Variants in ERICH1 observed in about 807,000 individuals in gnomAD.
ERICH1 encodes glutamate-rich protein 1.
In ERICH1, 56 loss-of-function variants were observed where a neutral mutation model predicts 39.6. The ratio of observed to expected loss-of-function variants is 1.41; its 90% CI spans 1.14 to 1.77. The LOEUF (loss-of-function observed/expected upper bound fraction) is 1.77, where lower values mean the gene tolerates loss of function less well. Ranked by LOEUF, ERICH1 falls within the 40% of genes most tolerant of loss-of-function variation. The probability of loss-of-function intolerance (pLI) is 0.00; values close to 1 mark genes in which losing one functional copy is unlikely to be tolerated. For synonymous variants in ERICH1, 313 were observed against 223.6 expected (o/e 1.40, Z -3.57); for missense variants, 826 against 575.4 (o/e 1.44, Z -4.45).
chr8:716,273 G>A (rs1333304862), intron 1 of ERICH1, among the ~76,000 whole-genome samples: 2 of 152,334 alleles, frequency 1.3e-5, no homozygotes, highest in East Asian at 3.9e-4. Flanking sequence ...CTGCATCCAG[G>A]AGGCTGTGCA....
chr8:722,740 A>G (rs1429424705), intron 1 of ERICH1, among the ~76,000 whole-genome samples: 4 of 152,222 alleles, frequency 2.6e-5, no homozygotes, highest in Non-Finnish European at 4.4e-5. Flanking sequence ...GTCTGTTGGA[A>G]AAGTGTGACT....
intron 3 of ERICH1, among the ~76,000 whole-genome samples, chr8:624,788 A>G (rs1393040937): frequency 6.6e-6 from 1 of 151,796 alleles, no homozygotes; most frequent in African/African-American, 2.4e-5. Flanking sequence ...CTGCAGTGGC[A>G]CGATCTCGGC....
chr8:662,814 G>A (rs946096018), downstream of ERICH1, among the ~76,000 whole-genome samples: 2 of 152,174 alleles, frequency 1.3e-5, no homozygotes, highest in Admixed American at 1.3e-4. Flanking sequence ...TGGGAAGAGC[G>A]GCTCCTGGCC....
intron 3 of ERICH1, among the ~76,000 whole-genome samples, chr8:635,928 G>C (rs59283892): frequency 6.6e-6 from 1 of 152,228 alleles, no homozygotes; most frequent in Admixed American, 6.5e-5. Flanking sequence ...TTACGCGGCA[G>C]GTGCGGTGAT....
intron 3 of ERICH1, among the ~76,000 whole-genome samples, chr8:691,786 T>C (rs1808964004): frequency 3.3e-5 from 5 of 152,220 alleles, no homozygotes; most frequent in Admixed American, 3.3e-4. Flanking sequence ...TTAATGTTTA[T>C]AATATAGAGT....
At chr8:702,403 C>T (rs1044704476) in intron 2 of ERICH1, among the ~76,000 whole-genome samples, 7 of 152,132 alleles carry the variant, frequency 4.6e-5, no homozygotes, top group East Asian at 3.9e-4. Context: ...TCTGTCCCTA[C>T]GTTGAAATGT....
At chr8:692,336 A>G in intron 3 of ERICH1, 142 bp downstream of exon 3, 4 of 1,201,274 alleles carry the variant, frequency 3.3e-6, no homozygotes, top group Non-Finnish European at 4.6e-6. Flanking sequence ...AAGGTACACC[A>G]TGTGGTTCAT....
intron 2 of ERICH1, among the ~76,000 whole-genome samples, chr8:707,317 A>T (rs7813999): frequency 6.6e-6 from 1 of 151,310 alleles, no homozygotes; most frequent in East Asian, 1.9e-4. Context: ...AAGCGACTCT[A>T]CTGCGTCAGC....
chr8:637,446 G>C (rs1798528408), intron 3 of ERICH1: 1 of 152,302 alleles, frequency 6.6e-6, no homozygotes, highest in African/African-American at 2.4e-5. Flanking sequence ...TGCTAGGGCA[G>C]CTCGCCACTC....
At chr8:719,963 C>A (rs1024821121) in intron 1 of ERICH1, among the ~76,000 whole-genome samples, 3 of 150,492 alleles carry the variant, frequency 2.0e-5, no homozygotes, top group Non-Finnish European at 4.4e-5. Flanking sequence ...CAAGGCCCTA[C>A]AAGGTACCGC....
downstream of ERICH1, among the ~76,000 whole-genome samples, chr8:659,872 G>A (rs62486243): frequency 0.028 from 2,184 of 77,282 alleles, 408 homozygotes; most frequent in African/African-American, 0.057. Context: ...TCTCCAGTGT[G>A]CACTGAATAT....
At chr8:679,805 G>C (rs1344569546) in intron 3 of ERICH1, among the ~76,000 whole-genome samples, 2 of 152,194 alleles carry the variant, frequency 1.3e-5, no homozygotes, top group East Asian at 3.8e-4. Context: ...GACAACGTGT[G>C]CAAGAGCTGG....
At chr8:731,106 G>A in intron 1 of ERICH1, 34 bp downstream of exon 1, 1 of 1,465,442 alleles carries the variant, frequency 6.8e-7, no homozygotes, top group Non-Finnish European at 9.0e-7. Flanking sequence ...CCGGGTCTGG[G>A]GTCTGGGCAG....
At chr8:645,517 ATCTT>A (rs66482439) in intron 3 of ERICH1, among the ~76,000 whole-genome samples, 43,306 of 65,440 alleles carry the variant, frequency 0.66, 20,301 homozygotes, top group East Asian at 0.83. Flanking sequence ...CCCAAACCTC[ATCTT>A]TCTTCTGAAG....
intron 3 of ERICH1, among the ~76,000 whole-genome samples, chr8:631,654 A>G (rs1438732944): frequency 6.6e-6 from 1 of 152,168 alleles, no homozygotes; most frequent in Non-Finnish European, 1.5e-5. Flanking sequence ...TAAAATATAC[A>G]CAACATAAAA....
chr8:675,212 T>C lies in ERICH1; in HGVS notation c.305-1165A>G, dbSNP rs560955563. ...AGGACAGAGACGCGGCGCCCCCTCG[T>C]GAGGACAGAGACGCGGCGGCCCCTC... On this transcript the variant is annotated intron_variant, in intron 3 of 5. Transcript: ENST00000262109. 7.3e-4 allele frequency among the ~76,000 whole-genome samples: 11 copies of C among 15,026 alleles called. 3 individuals are homozygous for C. The highest frequency in any genetic ancestry group is 1.0e-3 in the Non-Finnish European group (9 of 8,666). 9.9% of individuals were successfully genotyped at this position (15,026 alleles called of 152,430 possible).
intron 1 of ERICH1, among the ~76,000 whole-genome samples, chr8:719,133 C>G (rs994837763): frequency 2.6e-5 from 4 of 152,120 alleles, no homozygotes; most frequent in African/African-American, 9.7e-5. Flanking sequence ...ACCCTCGGGG[C>G]TTTGCCACAC....
intron 5 of ERICH1, chr8:668,329 C>T (rs906955598): frequency 4.1e-5 from 21 of 506,456 alleles, no homozygotes; most frequent in East Asian, 2.8e-4. Context: ...TCTATTTAAA[C>T]TTAGGAAAAT....
chr8:672,415 C>A (rs1311326005), intron 4 of ERICH1, among the ~76,000 whole-genome samples: 2 of 152,174 alleles, frequency 1.3e-5, no homozygotes, highest in African/African-American at 2.4e-5. Context: ...ACTTCTGCAT[C>A]TTTGTTAAAA....
Sources: gnomAD v4.1 joint callset for allele counts (sites outside exome capture counted in the v4.1 genomes callset) on GRCh38, gnomAD v4.1.1 for gene constraint, MANE v1.5 for transcripts, NCBI Gene and HGNC (gene_info 2026-07-23, HGNC 2026-07-21) for gene names.